MED21: variants seen among roughly 807,000 people sequenced by gnomAD.
MED21 encodes the protein mediator complex subunit 21, also known as mediator of RNA polymerase II transcription subunit 21.
In MED21, 9 loss-of-function variants were observed where a neutral mutation model predicts 18.2. The ratio of observed to expected loss-of-function variants is 0.49; its 90% CI spans 0.30 to 0.86. The LOEUF (loss-of-function observed/expected upper bound fraction) is 0.86, where lower values mean the gene tolerates loss of function less well. Ranked by LOEUF, MED21 falls within the 40% of genes least tolerant of loss-of-function variation. MED21 has a pLI of 0.07. For synonymous variants in MED21, 73 were observed against 60.5 expected (o/e 1.21, Z -0.96); for missense variants, 150 against 170.9 (o/e 0.88, Z 0.68).
downstream of MED21, among the ~76,000 whole-genome samples, chr12:27,031,032 C>T (rs1592337560): frequency 6.6e-6 from 1 of 152,186 alleles, no homozygotes. Context: ...CTCAGCCTCC[C>T]GAATAGCTGG....
intron 2 of MED21, among the ~76,000 whole-genome samples, 172 bp downstream of exon 2, chr12:27,026,706 CAT>C (rs1174081098): frequency 2.0e-5 from 3 of 152,202 alleles, no homozygotes; most frequent in Admixed American, 6.5e-5. Context: ...CCTAACATCT[CAT>C]AATTCTGGTT....
chr12:27,022,775 C>T (rs1321780556), intron 1 of MED21, 154 bp downstream of exon 1: 1 of 1,533,440 alleles, frequency 6.5e-7, no homozygotes, highest in Non-Finnish European at 8.8e-7. Flanking sequence ...CCACCGCGAA[C>T]TCGGAGGTTT....
downstream of MED21, among the ~76,000 whole-genome samples, chr12:27,034,968 C>A (rs1941640372): frequency 6.6e-6 from 1 of 152,156 alleles, no homozygotes; most frequent in South Asian, 2.1e-4. Flanking sequence ...CCAGGCTAGT[C>A]TTGAATTCCT....
At chr12:27,032,958 G>A (rs540171264), downstream of MED21, among the ~76,000 whole-genome samples, 3 of 152,218 alleles carry the variant, frequency 2.0e-5, no homozygotes, top group South Asian at 6.2e-4. Context: ...CTGCTCAGCT[G>A]TCCCATTAAC....
chr12:27,028,917 G>A lies in MED21; in HGVS notation c.*456G>A, dbSNP rs1043281739. ...GGCATTGTGTAAATCTGAGCTTTGA[G>A]CAAGAAAGTTTTGGAAATTGTGTTG... On this transcript the variant is annotated 3_prime_UTR_variant, in exon 4 of 4. Transcript: ENST00000282892. The A allele has an allele frequency of 1.9e-4, 184 of 985,570 alleles. No individual in the cohort carries two copies. The African/African-American group carries it at 3.0e-3, about 16-fold the overall frequency. 61.1% of individuals were successfully genotyped at this position (985,570 alleles called of 1,614,324 possible). A position where few individuals can be genotyped will look rare whatever the true frequency, so the allele number is the denominator to read the frequency against.
Position 27,030,538 on chromosome 12 carries a change from A to C in MED21, c.*2077A>C, listed in dbSNP as rs1327896835. On this transcript the variant is annotated 3_prime_UTR_variant, in exon 4 of 4. Coordinates refer to ENST00000282892, the MANE Select transcript of MED21 (RefSeq NM_004264.5). ...ACCCAGGAACGAGAAACAGAATAAA[A>C]CAATAGTAAACCTAAATTTTATTTT... 4.5e-6 allele frequency: 1 copy of C among 222,452 alleles called. No individual in the cohort carries two copies. Among genetic ancestry groups the C allele is most frequent in the Non-Finnish European group, 8.7e-6 (1 of 115,064 alleles). 13.8% of individuals were successfully genotyped at this position (222,452 alleles called of 1,614,324 possible). A position where few individuals can be genotyped will look rare whatever the true frequency, so the allele number is the denominator to read the frequency against.
Position 27,029,687 on chromosome 12 carries a change from A to G in MED21, c.*1226A>G. 2.0e-6 allele frequency: 2 copies of G among 985,484 alleles called. No homozygotes were observed. The highest frequency in any genetic ancestry group is 2.4e-6 in the Non-Finnish European group (2 of 829,942). 61.0% of individuals were successfully genotyped at this position (985,484 alleles called of 1,614,324 possible). The stretch of plus-strand genomic sequence containing the variant: ...TTGCAGCAATTTATTGGCTAGTCAT[A>G]GAAAATTTTTGAACTTTTAACTGTA... On this transcript the variant is annotated 3_prime_UTR_variant, in exon 4 of 4. Coordinates refer to ENST00000282892, the MANE Select transcript of MED21 (RefSeq NM_004264.5).
chr12:27,028,682 T>G lies in MED21; in HGVS notation c.*221T>G, dbSNP rs1240518217. 1 of 1,204,380 alleles carries G rather than the reference T, an allele frequency of 8.3e-7. No individual in the cohort carries two copies. The allele number at this position is 1,204,380 out of a possible 1,614,324, so 74.6% of individuals were successfully genotyped here. ...AAGCATCATACCATCATTTTTTAACTGAGTGAAATTATTAAGGCATGTAAT... is the reference window on the plus strand; with the variant it reads ...AAGCATCATACCATCATTTTTTAACGGAGTGAAATTATTAAGGCATGTAAT... On this transcript the variant is annotated 3_prime_UTR_variant, in exon 4 of 4. Transcript: ENST00000282892.
downstream of MED21, among the ~76,000 whole-genome samples, chr12:27,032,186 A>T (rs545464546): frequency 1.1e-4 from 17 of 152,182 alleles, no homozygotes; most frequent in Non-Finnish European, 2.4e-4. Flanking sequence ...CTGGAAGCCT[A>T]TGGGAAAGGA....
intron 2 of MED21, 71 bp from the exon 3 acceptor site, chr12:27,027,276 C>A: frequency 9.3e-7 from 1 of 1,073,274 alleles, no homozygotes. Context: ...TTTCTGGTTT[C>A]ATTAACTTAA....
intron 1 of MED21, among the ~76,000 whole-genome samples, chr12:27,023,969 C>T (rs1941511341): frequency 6.6e-6 from 1 of 152,192 alleles, no homozygotes; most frequent in Non-Finnish European, 1.5e-5. Context: ...TGATTTACAG[C>T]AGCATCACCA....
chr12:27,029,153 C>A lies in MED21; in HGVS notation c.*692C>A. 1.0e-6 allele frequency: 1 copy of A among 985,162 alleles called. No individual in the cohort carries two copies. Among genetic ancestry groups the A allele is most frequent in the Non-Finnish European group, 1.2e-6 (1 of 829,794 alleles). 61.0% of individuals were successfully genotyped at this position (985,162 alleles called of 1,614,324 possible). A position where few individuals can be genotyped will look rare whatever the true frequency, so the allele number is the denominator to read the frequency against. On this transcript the variant is annotated 3_prime_UTR_variant, in exon 4 of 4. Coordinates refer to ENST00000282892, the MANE Select transcript of MED21 (RefSeq NM_004264.5). The stretch of plus-strand genomic sequence containing the variant: ...TCTTTTCACCTTGCTTTTTTTCATC[C>A]TTAATTTGCTTGTCATCACAATGAA...
intron 2 of MED21, among the ~76,000 whole-genome samples, chr12:27,036,074 A>G (rs1565482547): frequency 1.3e-5 from 2 of 152,124 alleles, no homozygotes; most frequent in African/African-American, 2.4e-5. Flanking sequence ...AACTATTCCT[A>G]TTTCTCAACA....
At position 27,030,088 on chromosome 12, in the gene MED21, G is replaced by A. The variant is rs938133046; in HGVS notation, c.*1627G>A. On this transcript the variant is annotated 3_prime_UTR_variant, in exon 4 of 4. Coordinates refer to ENST00000282892, the MANE Select transcript of MED21 (RefSeq NM_004264.5). ...TGTTATTTGAAAGAAAAAAATTAAC[G>A]TTGTTGTATGTGATTCTCTGTAGAG... 24 of 472,432 alleles carry A rather than the reference G, an allele frequency of 5.1e-5. 1 individual carries two copies. The highest frequency in any genetic ancestry group is 1.1e-4 in the Admixed American group (3 of 27,946). The allele number at this position is 472,432 out of a possible 1,614,324, so 29.3% of individuals were successfully genotyped here. A position where few individuals can be genotyped will look rare whatever the true frequency, so the allele number is the denominator to read the frequency against.
At chr12:27,032,934 A>G (rs1941629124), downstream of MED21, among the ~76,000 whole-genome samples, 1 of 152,226 alleles carries the variant, frequency 6.6e-6, no homozygotes, top group African/African-American at 2.4e-5. Context: ...ACTAGCCACC[A>G]GGAAGGACAT....
At position 27,036,088 on chromosome 12, in the gene MED21, T is replaced by C. The variant is rs553627039; in HGVS notation, n.146+8641T>C. On this transcript the variant is annotated intron_variant and non_coding_transcript_variant, in intron 2 of 4. Coordinates refer to the MED21 transcript ENST00000538186. ...AAACTATTCCTATTTCTCAACATCC[T>C]CTCCAGCACCTGTTGTTTCCTGACT... Among the ~76,000 whole-genome samples, 4 of 152,324 alleles carry C rather than the reference T, an allele frequency of 2.6e-5. No homozygotes were observed. The East Asian group carries it at 7.7e-4, about 29-fold the overall frequency.
chr12:27,023,985 A>G (rs1450307461), intron 1 of MED21, among the ~76,000 whole-genome samples: 1 of 152,220 alleles, frequency 6.6e-6, no homozygotes, highest in Non-Finnish European at 1.5e-5. Flanking sequence ...CACCACAAGC[A>G]CTAAGGAACG....
intron 1 of MED21, among the ~76,000 whole-genome samples, chr12:27,023,747 A>G (rs1941507547): frequency 6.6e-6 from 1 of 152,112 alleles, no homozygotes; most frequent in African/African-American, 2.4e-5. Context: ...ATGCGCAGTC[A>G]TGGGCCCCTA....
At position 27,024,718 on chromosome 12, in the gene MED21, G is replaced by T. The variant is rs150876722; in HGVS notation, c.43-1702G>T. Among the ~76,000 whole-genome samples, 1,377 of 152,314 alleles carry T rather than the reference G, an allele frequency of 9.0e-3. 26 individuals carry two copies. Among genetic ancestry groups the T allele is most frequent in the African/African-American group, 0.031 (1,308 of 41,552 alleles). ...AGCCTTTAGGATAACTAGTATGAGT[G>T]CCTACTGTGTGTAAGCACCATCATG... On this transcript the variant is annotated intron_variant, in intron 1 of 3. Coordinates refer to ENST00000282892, the MANE Select transcript of MED21 (RefSeq NM_004264.5).
Sources: gnomAD v4.1 joint callset for allele counts (sites outside exome capture counted in the v4.1 genomes callset) on GRCh38, gnomAD v4.1.1 for gene constraint, MANE v1.5 for transcripts, NCBI Gene and HGNC (gene_info 2026-07-23, HGNC 2026-07-21) for gene names.